The following RERE variants were observed in gnomAD, a reference collection of about 807,000 sequenced individuals.
The protein encoded by RERE is arginine-glutamic acid dipeptide repeats, also known as arginine-glutamic acid dipeptide repeats protein.
In RERE, 40 loss-of-function variants were observed where a neutral mutation model predicts 146.1. The observed-to-expected ratio is 0.27, with a 90% confidence interval of 0.21 to 0.36. The LOEUF (loss-of-function observed/expected upper bound fraction) is 0.36. Among genes scored for constraint, RERE ranks in the 10% least tolerant of loss-of-function variants. The probability of loss-of-function intolerance (pLI) is 1.00; values close to 1 mark genes in which losing one functional copy is unlikely to be tolerated. For synonymous variants in RERE, 1,003 were observed against 866.0 expected, an observed-to-expected ratio of 1.16 and a Z score of -2.78; for missense variants, 1,933 against 2,138.7, an observed-to-expected ratio of 0.90 and a Z score of 1.90.
chr1:8,586,188 G>T (rs1272730401), intron 4 of RERE, among the ~76,000 whole-genome samples: 1 of 152,180 alleles, frequency 6.6e-6, no homozygotes, highest in Non-Finnish European at 1.5e-5. Context: ...CGCAGCGAGA[G>T]ATCTGCAGAG....
At chr1:8,380,340 C>CTTT (rs34580017) in intron 12 of RERE, among the ~76,000 whole-genome samples, 1 of 142,274 alleles carries the variant, frequency 7.0e-6, no homozygotes, top group African/African-American at 2.6e-5. Flanking sequence ...AGTCAACAGG[C>CTTT]TTTTTTTTTT....
At chr1:8,594,407 A>G (rs1443872088) in intron 4 of RERE, among the ~76,000 whole-genome samples, 1 of 152,238 alleles carries the variant, frequency 6.6e-6, no homozygotes. Context: ...GAAAGATACA[A>G]CAAAAATGTC....
At chr1:8,428,523 T>C (rs1356932257) in intron 11 of RERE, 3 of 152,226 alleles carry the variant, frequency 2.0e-5, no homozygotes, top group African/African-American at 7.2e-5. Flanking sequence ...GAATTTCGTA[T>C]CACCATCAAA....
At chr1:8,366,497 G>T (rs1570056553) in intron 12 of RERE, among the ~76,000 whole-genome samples, 1 of 152,144 alleles carries the variant, frequency 6.6e-6, no homozygotes, top group Non-Finnish European at 1.5e-5. Flanking sequence ...CTGCCCAGGT[G>T]GTGAGGAACC....
intron 1 of RERE, among the ~76,000 whole-genome samples, chr1:8,735,982 AT>A (rs1360797196): frequency 6.6e-6 from 1 of 152,176 alleles, no homozygotes; most frequent in Non-Finnish European, 1.5e-5. Context: ...ACTCTCCTAT[AT>A]TGTTTGTAGC....
intron 12 of RERE, among the ~76,000 whole-genome samples, chr1:8,419,502 C>G (rs1472752335): frequency 6.6e-6 from 1 of 152,154 alleles, no homozygotes; most frequent in African/African-American, 2.4e-5. Context: ...TTGCTGCCCT[C>G]CAAGTTTTTG....
chr1:8,394,464 T>A (rs775676111), intron 12 of RERE, among the ~76,000 whole-genome samples: 17 of 152,236 alleles, frequency 1.1e-4, no homozygotes, highest in Non-Finnish European at 2.5e-4. Context: ...GATAATATTA[T>A]CACCATTTTA....
At chr1:8,501,137 G>A (rs1289525754) in intron 8 of RERE, among the ~76,000 whole-genome samples, 5 of 147,594 alleles carry the variant, frequency 3.4e-5, no homozygotes, top group African/African-American at 1.3e-4. Flanking sequence ...CCCTCTGCCC[G>A]GCCAGCTGCC....
intron 11 of RERE, among the ~76,000 whole-genome samples, chr1:8,451,688 A>G (rs900734273): frequency 6.6e-6 from 1 of 152,186 alleles, no homozygotes; most frequent in Non-Finnish European, 1.5e-5. Context: ...CTAGGGGCAT[A>G]GTCCTGATCC....
rs138181083 is a variant in RERE, at chr1:8,364,137, C to T, written c.1659G>A (p.Pro553=). 32 of 1,614,072 alleles carry T rather than the reference C, an allele frequency of 2.0e-5. No individual in the cohort carries two copies. The African/African-American group carries it at 2.1e-4, about 11-fold the overall frequency. ...CTTCCTTGACGGGTTTGAACATAAA[C>T]GGTGGCGGGTCCACGGGCTTCTCAA... The part of the protein sequence containing the change: ...PPIEKPVDPP[P]FMFKPVKEED... The change falls in exon 15 of 23, where the codon CCG becomes CCA. Residue 553 remains proline, a synonymous_variant. Coordinates refer to ENST00000400908, the MANE Select transcript of RERE (RefSeq NM_001042681.2). This position sits in a 1 kb window ranked among gnomAD's most constrained non-coding sequence, Gnocchi z 5.1.
chr1:8,359,630 T>C (rs1450090023), intron 19 of RERE, 134 bp downstream of exon 19: 56 of 995,182 alleles, frequency 5.6e-5, no homozygotes, highest in Non-Finnish European at 7.0e-5. Context: ...AGACAGGGTG[T>C]AAATAGCACC....
At chr1:8,568,971 C>T (rs1260885893) in intron 4 of RERE, among the ~76,000 whole-genome samples, 1 of 152,118 alleles carries the variant, frequency 6.6e-6, no homozygotes, top group Non-Finnish European at 1.5e-5. Context: ...TTTGAAGGGT[C>T]AATTTGGCAA....
At chr1:8,764,499 A>T (rs944519600) in intron 1 of RERE, among the ~76,000 whole-genome samples, 12 of 152,204 alleles carry the variant, frequency 7.9e-5, no homozygotes, top group African/African-American at 1.2e-4. Context: ...ATCTCTGTTA[A>T]CTATGCTTAG....
intron 4 of RERE, among the ~76,000 whole-genome samples, chr1:8,606,868 G>A (rs1302559066): frequency 6.6e-6 from 1 of 152,116 alleles, no homozygotes; most frequent in East Asian, 1.9e-4. Context: ...TACCTGATAC[G>A]ATCTAATCGT....
intron 1 of RERE, among the ~76,000 whole-genome samples, chr1:8,802,325 A>G (rs925661773): frequency 6.6e-6 from 1 of 152,210 alleles, no homozygotes; most frequent in Non-Finnish European, 1.5e-5. Flanking sequence ...AAATTACCTG[A>G]GTTGAAAAAA....
chr1:8,502,433 C>T (rs1279219755), intron 8 of RERE, among the ~76,000 whole-genome samples: 8 of 121,330 alleles, frequency 6.6e-5, no homozygotes, highest in African/African-American at 1.7e-4. Context: ...AGCCCCTCTG[C>T]CTGGCCAGCC....
intron 11 of RERE, among the ~76,000 whole-genome samples, chr1:8,453,536 C>T (rs1316528310): frequency 3.3e-5 from 5 of 152,154 alleles, no homozygotes; most frequent in Non-Finnish European, 7.4e-5. Flanking sequence ...CCGGGCATGG[C>T]GGCTCACACC....
intron 11 of RERE, among the ~76,000 whole-genome samples, chr1:8,453,210 G>T (rs916261231): frequency 6.6e-6 from 1 of 152,172 alleles, no homozygotes; most frequent in Non-Finnish European, 1.5e-5. Context: ...AAGAAGTTGG[G>T]TTGTCTCAAA....
intron 1 of RERE, among the ~76,000 whole-genome samples, chr1:8,709,391 A>C (rs1186400805): frequency 1.3e-5 from 2 of 151,922 alleles, no homozygotes; most frequent in Non-Finnish European, 2.9e-5. Context: ...AAGTGCTAAG[A>C]TTACGGGTGA....
Sources: gnomAD v4.1 joint callset for allele counts (sites outside exome capture counted in the v4.1 genomes callset) on GRCh38, gnomAD v4.1.1 for gene constraint, Gnocchi (gnomAD v3.1) non-coding constraint, MANE v1.5 for transcripts, NCBI Gene and HGNC (gene_info 2026-07-23, HGNC 2026-07-21) for gene names.